The following MTUS2 variants were observed in gnomAD, a reference collection of about 807,000 sequenced individuals.
The protein encoded by MTUS2 is microtubule associated scaffold protein 2, also known as microtubule-associated tumor suppressor candidate 2.
A neutral mutation model predicts 114.1 loss-of-function variants in MTUS2; 40 were observed. The observed-to-expected ratio is 0.35, with a 90% CI of 0.27 to 0.46. MTUS2 has a LOEUF of 0.46. Ranked by LOEUF, MTUS2 falls within the 20% of genes least tolerant of loss-of-function variation. The pLI is 1.00. For synonymous variants in MTUS2, 688 were observed against 672.0 expected, an observed-to-expected ratio of 1.02 and a Z score of -0.37; for missense variants, 1,679 against 1,705.4, an observed-to-expected ratio of 0.98 and a Z score of 0.27.
chr13:29,350,986 T>TATATATATATATATA (rs1369324838), intron 7 of MTUS2, among the ~76,000 whole-genome samples: 33 of 142,832 alleles, frequency 2.3e-4, no homozygotes, highest in Admixed American at 2.8e-4. Context: ...TATATATATC[T>TATATATATATATATA]TCAGAGGACA....
chr13:29,163,496 A>T (rs41438447), intron 5 of MTUS2, among the ~76,000 whole-genome samples: 1 of 152,116 alleles, frequency 6.6e-6, no homozygotes, highest in African/African-American at 2.4e-5. Context: ...CTTTTGCCTC[A>T]TGTTCCATCA....
At chr13:29,323,251 G>T (rs1900328338) in intron 6 of MTUS2, among the ~76,000 whole-genome samples, 1 of 150,036 alleles carries the variant, frequency 6.7e-6, no homozygotes, top group Non-Finnish European at 1.5e-5. Context: ...TTTGTATGAT[G>T]TGGCTTTTTT....
At chr13:29,371,380 A>G (rs1299873173) in intron 8 of MTUS2, among the ~76,000 whole-genome samples, 2 of 151,304 alleles carry the variant, frequency 1.3e-5, no homozygotes, top group South Asian at 4.2e-4. Flanking sequence ...ACCATGCCCA[A>G]CTAATTTTTG....
intron 5 of MTUS2, among the ~76,000 whole-genome samples, chr13:29,165,360 T>C (rs1382165775): frequency 6.6e-6 from 1 of 152,194 alleles, no homozygotes; most frequent in African/African-American, 2.4e-5. Flanking sequence ...AACACCCTCA[T>C]CATGTCTCTG....
intron 5 of MTUS2, among the ~76,000 whole-genome samples, chr13:29,222,749 G>A (rs886278048): frequency 6.6e-6 from 1 of 152,210 alleles, no homozygotes; most frequent in Non-Finnish European, 1.5e-5. Context: ...GCACTCTCAG[G>A]CCCAGGAAGA....
At chr13:29,037,963 C>T (rs1457247689) in intron 4 of MTUS2, among the ~76,000 whole-genome samples, 1 of 152,176 alleles carries the variant, frequency 6.6e-6, no homozygotes, top group Non-Finnish European at 1.5e-5. Flanking sequence ...GAACATGCTC[C>T]TTTAGCTCAG....
intron 8 of MTUS2, among the ~76,000 whole-genome samples, chr13:29,421,530 C>A (rs1379142963): frequency 6.8e-6 from 1 of 146,068 alleles, no homozygotes; most frequent in Non-Finnish European, 1.5e-5. Flanking sequence ...CACAGAGCCA[C>A]CTTCGGCTTT....
chr13:29,477,137 G>A (rs1421057860), intron 9 of MTUS2, among the ~76,000 whole-genome samples: 1 of 152,206 alleles, frequency 6.6e-6, no homozygotes, highest in Non-Finnish European at 1.5e-5. Context: ...GCAGGAGCCT[G>A]TGTTTTTGTC....
At chr13:29,078,083 G>A (rs935865592) in intron 4 of MTUS2, among the ~76,000 whole-genome samples, 14 of 151,930 alleles carry the variant, frequency 9.2e-5, no homozygotes, top group Non-Finnish European at 1.5e-4. Flanking sequence ...TTTGTTGTTC[G>A]AATAGAAATT....
intron 5 of MTUS2, among the ~76,000 whole-genome samples, chr13:29,204,869 T>A (rs557828260): frequency 6.6e-6 from 1 of 152,276 alleles, no homozygotes; most frequent in East Asian, 1.9e-4. Context: ...ATAGGGTCCC[T>A]CATGGGCCAG....
chr13:28,882,543 C>T (rs1432402910), intron 2 of MTUS2, among the ~76,000 whole-genome samples: 1 of 152,040 alleles, frequency 6.6e-6, no homozygotes, highest in African/African-American at 2.4e-5. Flanking sequence ...TGAGGCCAGC[C>T]TGGGTAACAG....
rs1883147414 is a variant in MTUS2 at position 29,505,133 on chromosome 13, G to A, written c.*1927G>A. 4.3e-6 allele frequency: 1 copy of A among 232,288 alleles called. No homozygotes were observed. The allele number at this position is 232,288 out of a possible 1,614,324, so 14.4% of individuals were successfully genotyped here. On this transcript the variant is annotated 3_prime_UTR_variant, in exon 16 of 16. Transcript: ENST00000612955. ...TGATATTGAGTTGGGCATTCCATTA[G>A]AGTAGATCTTGCCACATTGACTAAA...
intron 4 of MTUS2, among the ~76,000 whole-genome samples, chr13:29,044,819 G>A (rs1256588830): frequency 6.6e-6 from 1 of 152,176 alleles, no homozygotes; most frequent in Non-Finnish European, 1.5e-5. Flanking sequence ...CAGCCAGGCT[G>A]AGTTCTTGAC....
intron 5 of MTUS2, among the ~76,000 whole-genome samples, chr13:29,175,146 A>T (rs1438048618): frequency 6.6e-6 from 1 of 152,224 alleles, no homozygotes; most frequent in Non-Finnish European, 1.5e-5. Flanking sequence ...TACAAGCTGG[A>T]AGTAATTTAA....
intron 5 of MTUS2, among the ~76,000 whole-genome samples, chr13:29,190,913 C>T (rs1455479375): frequency 1.3e-5 from 2 of 152,108 alleles, no homozygotes; most frequent in East Asian, 3.9e-4. Flanking sequence ...CCTTTCTACC[C>T]AAGCAAGTGA....
At chr13:29,201,448 T>G (rs534139484) in intron 5 of MTUS2, among the ~76,000 whole-genome samples, 1 of 152,312 alleles carries the variant, frequency 6.6e-6, no homozygotes, top group South Asian at 2.1e-4. Flanking sequence ...CAATGAGTCT[T>G]GACTCTTTAT....
intron 5 of MTUS2, among the ~76,000 whole-genome samples, chr13:29,256,043 G>A (rs563665088): frequency 6.6e-6 from 1 of 152,308 alleles, no homozygotes; most frequent in Admixed American, 6.5e-5. Flanking sequence ...AGTTTGACAG[G>A]CATCCGTACT....
intron 1 of MTUS2, among the ~76,000 whole-genome samples, chr13:28,833,570 A>G (rs1470169809): frequency 1.3e-5 from 2 of 152,168 alleles, no homozygotes; most frequent in Admixed American, 6.5e-5. Flanking sequence ...CCTCAACCTA[A>G]TGAAGGGAAT....
chr13:29,445,151 A>G (rs1878186910), intron 9 of MTUS2, among the ~76,000 whole-genome samples: 1 of 152,202 alleles, frequency 6.6e-6, no homozygotes, highest in Non-Finnish European at 1.5e-5. Context: ...AATCTCCAAT[A>G]GTTTTTAAGT....
Sources: allele counts gnomAD v4.1 joint callset (sites outside exome capture counted in the v4.1 genomes callset), GRCh38; gene constraint gnomAD v4.1.1; transcripts MANE v1.5; gene names NCBI Gene and HGNC (gene_info 2026-07-23, HGNC 2026-07-21).